The following MBTD1 variants were observed in gnomAD, a reference collection of about 807,000 sequenced individuals.
MBTD1 encodes the protein MBT domain-containing protein 1.
MBTD1 carries 24 observed loss-of-function variants against 87.8 expected under a neutral mutation model. That is an observed-to-expected ratio of 0.27 (90% CI 0.20 to 0.38). MBTD1 has a LOEUF of 0.38. MBTD1 is among the 10% of genes least tolerant of loss of function. The pLI, the probability that MBTD1 is intolerant of heterozygous loss-of-function variation, is 1.00. For synonymous variants in MBTD1, 237 were observed against 248.6 expected (o/e 0.95, Z 0.44); for missense variants, 436 against 760.2 (o/e 0.57, Z 5.02).
chr17:51,257,237 A>G (rs930375933), intron 2 of MBTD1, among the ~76,000 whole-genome samples: 12 of 152,154 alleles, frequency 7.9e-5, no homozygotes, highest in African/African-American at 2.7e-4. Context: ...TGAATTTTGA[A>G]ACCCTCAGAC....
At position 51,179,593 on chromosome 17, in the gene MBTD1, T is replaced by G. The variant is rs1357284077; in HGVS notation, c.*983A>C. 2 of 141,284 alleles carry G rather than the reference T, an allele frequency of 1.4e-5. No individual in the cohort carries two copies. The highest frequency in any genetic ancestry group is 3.1e-5 in the Non-Finnish European group (2 of 65,176). 8.8% of individuals were successfully genotyped at this position (141,284 alleles called of 1,614,324 possible). A position where few individuals can be genotyped will look rare whatever the true frequency, so the allele number is the denominator to read the frequency against. On this transcript the variant is annotated 3_prime_UTR_variant, in exon 17 of 17. Coordinates refer to ENST00000586178, the MANE Select transcript of MBTD1 (RefSeq NM_017643.3). The stretch of plus-strand genomic sequence containing the variant: ...AATTAGTTTTCTACCAAATCCAGGA[T>G]AGATAAAAGCAGAGCTGGAATGATT...
At chr17:51,231,322 C>T (rs2053539170) in intron 2 of MBTD1, among the ~76,000 whole-genome samples, 1 of 152,114 alleles carries the variant, frequency 6.6e-6, no homozygotes, top group South Asian at 2.1e-4. Context: ...AGATTATTGA[C>T]CCTTAAATGT....
At chr17:51,212,344 T>A (rs2052284127) in intron 6 of MBTD1, among the ~76,000 whole-genome samples, 1 of 136,372 alleles carries the variant, frequency 7.3e-6, no homozygotes, top group Non-Finnish European at 1.5e-5. Context: ...ACTGAAAGAG[T>A]GAGACTCCGC....
In MBTD1 at chr17:51,179,163, C is replaced by T. The variant is rs1248510132; in HGVS notation, c.*1413G>A. 6.6e-6 allele frequency: 1 copy of T among 151,774 alleles called. No individual in the cohort carries two copies. Among genetic ancestry groups the T allele is most frequent in the Non-Finnish European group, 1.5e-5 (1 of 67,972 alleles). The allele number at this position is 151,774 out of a possible 1,614,324, so 9.4% of individuals were successfully genotyped here. A position where few individuals can be genotyped will look rare whatever the true frequency, so the allele number is the denominator to read the frequency against. The stretch of plus-strand genomic sequence containing the variant: ...TCATTTTGATTAATTTCTAATTAGC[C>T]CTACCTATATTCCAGAGGAGATGGT... On this transcript the variant is annotated 3_prime_UTR_variant, in exon 17 of 17. Transcript: ENST00000586178.
chr17:51,218,977 T>C lies in MBTD1; in HGVS notation c.356A>G (p.Tyr119Cys), dbSNP rs766690967. 1 of 1,551,508 alleles carries C rather than the reference T, an allele frequency of 6.4e-7. No homozygotes were observed. The highest frequency in any genetic ancestry group is 1.2e-5 in the South Asian group (1 of 84,058). ...TTGCAAGGTAGCTTGATACTGAGCA[T>C]ATGCGGCTAGCTTAGCAACTAAAGG... is the stretch of plus-strand genomic sequence containing the variant. ...KQPLVAKLAAYAQYQATLQNQ... is the reference protein window; with the variant it reads ...KQPLVAKLAACAQYQATLQNQ... The change falls in exon 5 of 17, where the codon TAT becomes TGT. Residue 119 changes from tyrosine to cysteine, a missense_variant. Coordinates refer to ENST00000586178, the MANE Select transcript of MBTD1 (RefSeq NM_017643.3).
chr17:51,241,033 C>T (rs2054136048), intron 2 of MBTD1, among the ~76,000 whole-genome samples: 1 of 151,894 alleles, frequency 6.6e-6, no homozygotes, highest in South Asian at 2.1e-4. Flanking sequence ...GGCTGGAGTG[C>T]AGTGGCGTGA....
At chr17:51,260,211 G>A, upstream of MBTD1, 1 of 410,262 alleles carries the variant, frequency 2.4e-6, no homozygotes. Context: ...ATTGGGGCTT[G>A]TGTCAAGTCA....
In MBTD1 at chr17:51,244,004, G is replaced by A. The variant is rs562775256; in HGVS notation, c.-49+15139C>T. Reference sequence around the variant, plus strand: ...ACAAGATTCCTATCTGTCTCTCACTGGTGATGTTAATGTTGATTACTTTGT... The same window carrying A: ...ACAAGATTCCTATCTGTCTCTCACTAGTGATGTTAATGTTGATTACTTTGT... On this transcript the variant is annotated intron_variant, in intron 2 of 16. Transcript: ENST00000586178. Among the ~76,000 whole-genome samples the A allele has an allele frequency of 3.9e-5, 6 of 152,196 alleles. No homozygotes were observed. The South Asian group carries it at 6.2e-4, about 16-fold the overall frequency.
chr17:51,206,081 C>T (rs1281200970), intron 7 of MBTD1, among the ~76,000 whole-genome samples: 1 of 152,128 alleles, frequency 6.6e-6, no homozygotes, highest in African/African-American at 2.4e-5. Flanking sequence ...GGAAAAAATA[C>T]AAGTCTTATA....
Position 51,203,122 on chromosome 17 carries a change from T to A in MBTD1, c.828+18A>T, listed in dbSNP as rs371544669. ...GTTTTTTAGAGCTCTTCAGTCTTTA[T>A]AAGATCCTGTTTTTTACCTTTTGGG... On this transcript the variant is annotated intron_variant, in intron 9 of 16. Coordinates refer to ENST00000586178, the MANE Select transcript of MBTD1 (RefSeq NM_017643.3). 7.0e-6 allele frequency: 11 copies of A among 1,582,142 alleles called. No homozygotes were observed. In the East Asian group the frequency reaches 1.8e-4, roughly 26 times the overall value.
chr17:51,235,357 C>T (rs1005943887), intron 2 of MBTD1, among the ~76,000 whole-genome samples: 1 of 151,814 alleles, frequency 6.6e-6, no homozygotes, highest in African/African-American at 2.4e-5. Flanking sequence ...AGGCTGGACT[C>T]GAACTCCTGA....
chr17:51,234,537 T>C (rs985496677), intron 2 of MBTD1, among the ~76,000 whole-genome samples: 7 of 151,716 alleles, frequency 4.6e-5, no homozygotes, highest in African/African-American at 1.7e-4. Flanking sequence ...TTCAGAGACA[T>C]AGAACCAAAT....
At chr17:51,186,786 CCAAAA>C (rs543519768) in intron 16 of MBTD1, among the ~76,000 whole-genome samples, 8 of 150,064 alleles carry the variant, frequency 5.3e-5, no homozygotes, top group South Asian at 2.1e-4. Context: ...AAAAAAAAAA[CCAAAA>C]CAAAACAAAA....
In MBTD1 at chr17:51,177,798, G is replaced by A. The variant is rs939478398; in HGVS notation, c.*2778C>T. On this transcript the variant is annotated 3_prime_UTR_variant, in exon 17 of 17. Coordinates refer to ENST00000586178, the MANE Select transcript of MBTD1 (RefSeq NM_017643.3). ...CTTTTCTTTTGTATAAATGACTGTG[G>A]CTTTATTTAAAATATGAAAATCAAA... The A allele has an allele frequency of 3.9e-5, 6 of 151,982 alleles. No homozygotes were observed. The highest frequency in any genetic ancestry group is 1.5e-4 in the African/African-American group (6 of 41,366). 9.4% of individuals were successfully genotyped at this position (151,982 alleles called of 1,614,324 possible).
intron 2 of MBTD1, among the ~76,000 whole-genome samples, chr17:51,233,060 CAAAAAAAAAAA>C (rs11457634): frequency 2.5e-5 from 1 of 40,512 alleles, no homozygotes; most frequent in East Asian, 9.5e-4. Context: ...CTTCCCTCAC[CAAAAAAAAAAA>C]AAAAAAAAAA....
At chr17:51,230,752 G>C (rs978637805) in intron 2 of MBTD1, among the ~76,000 whole-genome samples, 1 of 152,194 alleles carries the variant, frequency 6.6e-6, no homozygotes, top group Non-Finnish European at 1.5e-5. Context: ...AGAGGATGTA[G>C]GGGCCAGATT....
chr17:51,187,746 G>T (rs1054690391), intron 16 of MBTD1, among the ~76,000 whole-genome samples: 2 of 151,956 alleles, frequency 1.3e-5, no homozygotes, highest in Non-Finnish European at 2.9e-5. Flanking sequence ...CTACTTGGGA[G>T]GCTGAAGCAG....
intron 2 of MBTD1, among the ~76,000 whole-genome samples, chr17:51,235,558 A>G (rs2053783974): frequency 6.6e-6 from 1 of 152,268 alleles, no homozygotes. Context: ...TTGAAAATCA[A>G]TAAATTCACC....
chr17:51,234,716 G>A (rs1233624805), intron 2 of MBTD1, among the ~76,000 whole-genome samples: 2 of 152,106 alleles, frequency 1.3e-5, no homozygotes, highest in African/African-American at 4.8e-5. Context: ...TTTTTGAGAC[G>A]AAGTTTCGCT....
Sources: allele counts gnomAD v4.1 joint callset (sites outside exome capture counted in the v4.1 genomes callset), GRCh38; gene constraint gnomAD v4.1.1; transcripts MANE v1.5; gene names NCBI Gene and HGNC (gene_info 2026-07-23, HGNC 2026-07-21).